Variants in CNTNAP5 observed in about 807,000 individuals in gnomAD.
CNTNAP5 encodes the protein contactin-associated protein-like 5.
Under a neutral mutation model 150.2 loss-of-function variants are expected in CNTNAP5, and 72 were observed. That is an observed-to-expected ratio of 0.48 (90% confidence interval 0.40 to 0.58). CNTNAP5 has a LOEUF of 0.58. Among genes scored for constraint, CNTNAP5 ranks in the 20% least tolerant of loss-of-function variants. The pLI is 0.00. For synonymous variants in CNTNAP5, 672 were observed against 619.8 expected (o/e 1.08, Z -1.25); for missense variants, 1,636 against 1,626.2 (o/e 1.01, Z -0.10).
intron 12 of CNTNAP5, among the ~76,000 whole-genome samples, chr2:124,639,384 CT>C (rs1678042882): frequency 6.6e-6 from 1 of 152,108 alleles, no homozygotes; most frequent in Non-Finnish European, 1.5e-5. Context: ...TCTGAGTTTT[CT>C]TTTTGTCAAT....
rs540197439 is a variant in CNTNAP5, at chr2:124,251,215, A to G, written c.381+8822A>G. On this transcript the variant is annotated intron_variant, in intron 3 of 23. Transcript: ENST00000682447. ...ACACCCTAGACTTGTCTTGAAAATA[A>G]TTCTCTAATTTAGTGACTCAAGAAT... Among the ~76,000 whole-genome samples the G allele has an allele frequency of 3.1e-3, 467 of 152,266 alleles. 2 individuals carry two copies. Among genetic ancestry groups the G allele is most frequent in the Non-Finnish European group, 4.5e-3 (308 of 68,020 alleles).
chr2:124,501,984 G>A (rs1002458994), intron 7 of CNTNAP5, among the ~76,000 whole-genome samples: 1 of 152,184 alleles, frequency 6.6e-6, no homozygotes. Flanking sequence ...ATGATAGAGG[G>A]AAGTGTGAAG....
At chr2:124,763,590 T>C in intron 14 of CNTNAP5, 82 bp from the exon 15 acceptor site, 1 of 1,414,606 alleles carries the variant, frequency 7.1e-7, no homozygotes, top group Admixed American at 2.1e-5. Flanking sequence ...GCCAAATCAC[T>C]TCTGAAAAGA....
At chr2:124,032,617 AGG>A (rs1681087117) in intron 1 of CNTNAP5, among the ~76,000 whole-genome samples, 1 of 152,170 alleles carries the variant, frequency 6.6e-6, no homozygotes, top group African/African-American at 2.4e-5. Flanking sequence ...TTTAAGACCT[AGG>A]CATATATGAG....
intron 19 of CNTNAP5, among the ~76,000 whole-genome samples, chr2:124,828,798 G>C (rs184043790): frequency 1.8e-5 from 2 of 109,008 alleles, no homozygotes; most frequent in African/African-American, 6.8e-5. Flanking sequence ...ATTAAAGTAA[G>C]TTTTGTTCAA....
chr2:124,675,401 C>A (rs1424656407), intron 13 of CNTNAP5, among the ~76,000 whole-genome samples: 1 of 151,900 alleles, frequency 6.6e-6, no homozygotes, highest in Admixed American at 6.6e-5. Flanking sequence ...TTTAAATATT[C>A]TCCATTTTTT....
chr2:124,031,753 C>T (rs1681058120), intron 1 of CNTNAP5, among the ~76,000 whole-genome samples: 1 of 152,080 alleles, frequency 6.6e-6, no homozygotes, highest in African/African-American at 2.4e-5. Context: ...AATCACATTG[C>T]TATAAAAACT....
chr2:124,385,693 C>T (rs181161877), intron 3 of CNTNAP5, among the ~76,000 whole-genome samples: 109 of 152,230 alleles, frequency 7.2e-4, no homozygotes, highest in African/African-American at 2.6e-3. Context: ...TCCAGACTTG[C>T]CTGAGCCTCT....
intron 3 of CNTNAP5, among the ~76,000 whole-genome samples, chr2:124,378,361 T>A (rs1690704970): frequency 6.6e-6 from 1 of 152,084 alleles, no homozygotes; most frequent in Non-Finnish European, 1.5e-5. Flanking sequence ...CCTACCCCAC[T>A]CTCTCTCTAA....
At chr2:124,538,245 G>A (rs1204249102) in intron 10 of CNTNAP5, among the ~76,000 whole-genome samples, 1 of 152,130 alleles carries the variant, frequency 6.6e-6, no homozygotes, top group East Asian at 1.9e-4. Flanking sequence ...CCAGCACTTT[G>A]GGAAACCCAG....
intron 1 of CNTNAP5, among the ~76,000 whole-genome samples, chr2:124,152,161 C>T (rs1172456502): frequency 2.6e-5 from 4 of 152,240 alleles, no homozygotes; most frequent in South Asian, 2.1e-4. Context: ...GGTAAGCCAG[C>T]GCACATACAG....
intron 13 of CNTNAP5, among the ~76,000 whole-genome samples, chr2:124,745,995 A>G (rs530427300): frequency 1.3e-5 from 2 of 152,368 alleles, no homozygotes; most frequent in African/African-American, 4.8e-5. Flanking sequence ...ATGTTTGTAC[A>G]TAAGAATATG....
At chr2:124,045,293 C>CTT (rs5834033) in intron 1 of CNTNAP5, among the ~76,000 whole-genome samples, 2,662 of 138,378 alleles carry the variant, frequency 0.019, 81 homozygotes, top group African/African-American at 0.061. Context: ...TTTTCTTTTC[C>CTT]TTTTTTTTTT....
Position 124,830,418 on chromosome 2 carries a change from A to G in CNTNAP5, c.3217+32098A>G, listed in dbSNP as rs796614951. ...ATTGTGTAGGCCAGCTACTAAAAAC[A>G]TAAAGAAAAACCTCCCATAGTGTCA... On this transcript the variant is annotated intron_variant, in intron 19 of 23. Transcript: ENST00000682447. Among the ~76,000 whole-genome samples, 17 of 152,224 alleles carry G rather than the reference A, an allele frequency of 1.1e-4. 1 individual carries two copies. The highest frequency in any genetic ancestry group is 3.1e-4 in the African/African-American group (13 of 41,578).
chr2:124,703,169 C>A (rs1338607009), intron 13 of CNTNAP5, among the ~76,000 whole-genome samples: 1 of 137,032 alleles, frequency 7.3e-6, no homozygotes, highest in South Asian at 2.6e-4. Context: ...CTTCCTTTAG[C>A]CCTTTCTTCC....
chr2:124,547,572 A>G (rs1434765245), intron 10 of CNTNAP5, among the ~76,000 whole-genome samples: 2 of 152,130 alleles, frequency 1.3e-5, no homozygotes, highest in Non-Finnish European at 2.9e-5. Context: ...TTGTGTCAGT[A>G]TCTGGGGTGG....
chr2:124,321,208 G>T (rs1021122545), intron 3 of CNTNAP5, among the ~76,000 whole-genome samples: 1 of 152,138 alleles, frequency 6.6e-6, no homozygotes, highest in African/African-American at 2.4e-5. Context: ...TTGAGAGGCC[G>T]AGGCAGGCGG....
At chr2:124,490,601 A>G (rs1363908573) in intron 7 of CNTNAP5, among the ~76,000 whole-genome samples, 1 of 152,120 alleles carries the variant, frequency 6.6e-6, no homozygotes, top group Admixed American at 6.5e-5. Flanking sequence ...TATCATTACT[A>G]TTATAATGAT....
At chr2:124,159,922 C>A (rs1471628814) in intron 1 of CNTNAP5, among the ~76,000 whole-genome samples, 1 of 152,150 alleles carries the variant, frequency 6.6e-6, no homozygotes, top group Non-Finnish European at 1.5e-5. Context: ...AGGAGTACTA[C>A]TACTTATTAA....
Sources: gnomAD v4.1 joint callset for allele counts (sites outside exome capture counted in the v4.1 genomes callset) on GRCh38, gnomAD v4.1.1 for gene constraint, MANE v1.5 for transcripts, NCBI Gene and HGNC (gene_info 2026-07-23, HGNC 2026-07-21) for gene names.